Variants in OSBPL1A observed in about 807,000 individuals in gnomAD.
OSBPL1A encodes oxysterol-binding protein-related protein 1.
OSBPL1A carries 80 observed loss-of-function variants against 137.1 expected under a neutral mutation model. The observed-to-expected ratio is 0.58, with a 90% CI of 0.49 to 0.70. OSBPL1A has a LOEUF of 0.70. OSBPL1A is among the 30% of genes least tolerant of loss of function. OSBPL1A has a pLI of 0.00. For synonymous variants in OSBPL1A, 365 were observed against 389.7 expected (o/e 0.94, Z 0.75); for missense variants, 970 against 1,129.4 (o/e 0.86, Z 2.02).
intron 15 of OSBPL1A, among the ~76,000 whole-genome samples, chr18:24,244,482 C>G (rs558778756): frequency 1.3e-5 from 2 of 152,320 alleles, no homozygotes; most frequent in East Asian, 3.9e-4. Flanking sequence ...CAATGACTTT[C>G]CCATGACAAA....
chr18:24,203,579 T>C (rs531991189), intron 17 of OSBPL1A, among the ~76,000 whole-genome samples: 3 of 152,304 alleles, frequency 2.0e-5, no homozygotes, highest in Non-Finnish European at 4.4e-5. Context: ...TCACACACGC[T>C]GGTTTTATTT....
chr18:24,304,394 A>G (rs1462013662), intron 13 of OSBPL1A, among the ~76,000 whole-genome samples: 1 of 152,228 alleles, frequency 6.6e-6, no homozygotes, highest in African/African-American at 2.4e-5. Flanking sequence ...AGATTTAGAA[A>G]TCCAAAATGA....
intron 15 of OSBPL1A, among the ~76,000 whole-genome samples, chr18:24,279,250 TAAA>T (rs565359517): frequency 2.2e-4 from 27 of 125,386 alleles, no homozygotes; most frequent in African/African-American, 6.9e-4. Context: ...CCCATTTCTT[TAAA>T]AAAAAAAAAA....
In OSBPL1A at chr18:24,341,591, GCTGT is replaced by G; in HGVS notation, c.346_349del (p.Thr116GlnfsTer17). 1 of 1,613,058 alleles carries G rather than the reference GCTGT, an allele frequency of 6.2e-7. No homozygotes were observed. The highest frequency in any genetic ancestry group is 8.5e-7 in the Non-Finnish European group (1 of 1,179,552). On this transcript the variant is annotated frameshift_variant, in exon 5 of 28. Transcript: ENST00000319481. LOFTEE classifies it high-confidence loss of function. ...TTCTTCAGCATGAGTAACTTCTTTT[GCTGT>G]CTGTCCACTCCCATTAACAATAGTA... is the stretch of plus-strand genomic sequence containing the variant.
intron 18 of OSBPL1A, among the ~76,000 whole-genome samples, chr18:24,185,300 T>C (rs1370557979): frequency 6.6e-6 from 1 of 151,904 alleles, no homozygotes. Context: ...GGGGTGATGA[T>C]GTATCGCAGG....
Position 24,249,965 on chromosome 18 carries a change from C to T in OSBPL1A, c.1282-10583G>A, listed in dbSNP as rs1341035405. 2.0e-5 allele frequency among the ~76,000 whole-genome samples: 3 copies of T among 152,150 alleles called. No individual in the cohort carries two copies. In the East Asian group the frequency reaches 5.8e-4, roughly 29 times the overall value. On this transcript the variant is annotated intron_variant, in intron 15 of 27. Transcript: ENST00000319481. ...GTGATTGCACCATCCCTCCCCCAAC[C>T]CCAGGCAGCACAGCAGACAGCAATG...
intron 3 of OSBPL1A, 179 bp downstream of exon 3, chr18:24,368,108 A>T: frequency 2.5e-6 from 1 of 404,898 alleles, no homozygotes; most frequent in Non-Finnish European, 4.5e-6. Context: ...AATTTTAATT[A>T]ATCAGGCTAA....
intron 15 of OSBPL1A, among the ~76,000 whole-genome samples, chr18:24,255,143 T>C (rs906216716): frequency 7.9e-5 from 12 of 151,964 alleles, no homozygotes; most frequent in East Asian, 1.9e-4. Flanking sequence ...TACACCAAGA[T>C]TGAACCATGA....
intron 16 of OSBPL1A, among the ~76,000 whole-genome samples, chr18:24,230,467 A>G (rs1567961898): frequency 1.3e-5 from 2 of 152,250 alleles, no homozygotes; most frequent in African/African-American, 4.8e-5. Context: ...CCAGGCAAAC[A>G]CACAAAAACC....
intron 4 of OSBPL1A, among the ~76,000 whole-genome samples, chr18:24,365,515 C>A (rs1304256690): frequency 1.3e-5 from 2 of 150,260 alleles, no homozygotes; most frequent in Admixed American, 6.7e-5. Context: ...ACCCGGGAGA[C>A]AGAAGTTGCA....
At chr18:24,384,352 T>A (rs564492873) in intron 1 of OSBPL1A, among the ~76,000 whole-genome samples, 1 of 152,298 alleles carries the variant, frequency 6.6e-6, no homozygotes, top group South Asian at 2.1e-4. Flanking sequence ...GGTGGGCAGA[T>A]CAGTTGAGGT....
intron 16 of OSBPL1A, among the ~76,000 whole-genome samples, chr18:24,235,781 C>T (rs1353530098): frequency 2.6e-5 from 4 of 152,234 alleles, no homozygotes; most frequent in Admixed American, 6.5e-5. Context: ...TTCCCCAAGA[C>T]GTCCATGTCC....
intron 15 of OSBPL1A, among the ~76,000 whole-genome samples, chr18:24,245,892 T>C (rs2088866314): frequency 6.6e-6 from 1 of 152,152 alleles, no homozygotes; most frequent in Non-Finnish European, 1.5e-5. Context: ...TTCCTAGCAC[T>C]AAACAATGAC....
intron 16 of OSBPL1A, among the ~76,000 whole-genome samples, chr18:24,238,578 A>G (rs1259023051): frequency 6.6e-6 from 1 of 152,236 alleles, no homozygotes. Context: ...AATGGACACT[A>G]TAATTATCCC....
intron 4 of OSBPL1A, among the ~76,000 whole-genome samples, chr18:24,353,772 C>G (rs2091485978): frequency 6.6e-6 from 1 of 151,952 alleles, no homozygotes. Context: ...TTCGTAGGGA[C>G]ATGGATGAAG....
chr18:24,231,465 A>AT lies in OSBPL1A; in HGVS notation c.1445-6268dup, dbSNP rs530527769. Reference sequence around the variant, plus strand: ...CCACCACCACGCCCAGCATTTTTGTATTTTAGTAGAGATGGGGTTTCACCA... The same window carrying AT: ...CCACCACCACGCCCAGCATTTTTGTATTTTTAGTAGAGATGGGGTTTCACCA... On this transcript the variant is annotated intron_variant, in intron 16 of 27. Transcript: ENST00000319481. Among the ~76,000 whole-genome samples, 134 of 151,926 alleles carry AT rather than the reference A, an allele frequency of 8.8e-4. 1 individual carries two copies. The highest frequency in any genetic ancestry group is 1.8e-3 in the Admixed American group (28 of 15,254).
intron 4 of OSBPL1A, among the ~76,000 whole-genome samples, chr18:24,363,646 A>ATCTT (rs1291393348): frequency 5.4e-4 from 78 of 144,584 alleles, no homozygotes; most frequent in Admixed American, 3.2e-3. Flanking sequence ...CTTCCTTTCT[A>ATCTT]TCTTTCTTTC....
chr18:24,265,437 G>A (rs192187524), intron 15 of OSBPL1A, among the ~76,000 whole-genome samples: 20 of 152,264 alleles, frequency 1.3e-4, no homozygotes, highest in Admixed American at 1.3e-3. Context: ...CAGAGATCAC[G>A]TTACTGCACT....
At chr18:24,319,798 A>G (rs1007074802) in intron 7 of OSBPL1A, among the ~76,000 whole-genome samples, 3 of 152,156 alleles carry the variant, frequency 2.0e-5, no homozygotes, top group African/African-American at 7.2e-5. Flanking sequence ...TCAAAACAAC[A>G]TATCAATGAG....
Sources: gnomAD v4.1 joint callset for allele counts (sites outside exome capture counted in the v4.1 genomes callset) on GRCh38, gnomAD v4.1.1 for gene constraint, MANE v1.5 for transcripts, NCBI Gene and HGNC (gene_info 2026-07-23, HGNC 2026-07-21) for gene names.